JAK1: variants seen among roughly 807,000 people sequenced by gnomAD.
The protein encoded by JAK1 is tyrosine-protein kinase JAK1.
JAK1 carries 16 observed loss-of-function variants against 136.6 expected under a neutral mutation model. That is an observed-to-expected ratio of 0.12 (90% CI 0.08 to 0.18). JAK1 has a LOEUF of 0.18. Among genes scored for constraint, JAK1 ranks in the 10% least tolerant of loss-of-function variants. JAK1 has a pLI of 1.00. For missense variants in JAK1, 859 were observed against 1,450.1 expected, an observed-to-expected ratio of 0.59 and a Z score of 6.62; for synonymous variants, 492 against 519.5, an observed-to-expected ratio of 0.95 and a Z score of 0.72.
chr1:64,937,570 T>C (rs900368745), intron 1 of JAK1, among the ~76,000 whole-genome samples: 6 of 152,232 alleles, frequency 3.9e-5, no homozygotes, highest in Non-Finnish European at 7.3e-5. Context: ...TTACAACTTC[T>C]TGTCAATCTA....
intron 2 of JAK1, chr1:64,995,028 C>T (rs1010321084): frequency 1.3e-5 from 2 of 150,062 alleles, no homozygotes; most frequent in African/African-American, 2.5e-5. Flanking sequence ...ATATAAGCAA[C>T]CAAATTCTCC....
chr1:64,852,487 C>T (rs1195481138), intron 11 of JAK1, among the ~76,000 whole-genome samples: 1 of 152,190 alleles, frequency 6.6e-6, no homozygotes, highest in Non-Finnish European at 1.5e-5. Flanking sequence ...ACTCTGTTAC[C>T]TGGGGAAAAT....
At chr1:64,957,935 C>T (rs1374644236) in intron 1 of JAK1, among the ~76,000 whole-genome samples, 1 of 79,452 alleles carries the variant, frequency 1.3e-5, no homozygotes, top group Non-Finnish European at 2.6e-5. Context: ...AAGAGCGAGA[C>T]TCCGTCTCAA....
chr1:65,050,471 C>T (rs1042351628), intron 1 of JAK1, among the ~76,000 whole-genome samples: 4 of 152,170 alleles, frequency 2.6e-5, no homozygotes, highest in African/African-American at 9.7e-5. Context: ...GCATCTGACA[C>T]AGAAAGGACT....
rs536702677 is a variant in JAK1 at position 64,953,746 on chromosome 1, G to A, written c.-78+12587C>T. Among the ~76,000 whole-genome samples the A allele has an allele frequency of 2.0e-5, 3 of 152,222 alleles. No individual in the cohort carries two copies. The South Asian group carries it at 6.2e-4, about 32-fold the overall frequency. On this transcript the variant is annotated intron_variant, in intron 1 of 24. Coordinates refer to ENST00000342505, the MANE Select transcript of JAK1 (RefSeq NM_002227.4). The stretch of plus-strand genomic sequence containing the variant: ...ATCATCTCAGCTCACTGCAACCTCT[G>A]CCTCCCAGGTTCATGCAATTCTCCC...
chr1:64,838,816 A>ACC (rs1425485572), intron 20 of JAK1, among the ~76,000 whole-genome samples: 1 of 152,216 alleles, frequency 6.6e-6, no homozygotes. Context: ...GATAACAGTC[A>ACC]GAGTGCTCTG....
chr1:64,965,640 T>C lies in JAK1; in HGVS notation c.-78+693A>G, dbSNP rs145952512. On this transcript the variant is annotated intron_variant, in intron 1 of 24. Transcript: ENST00000342505. ...TTTCGGTTAATCAGTCCCTTTCCAGTGGGATTCGCAATTCCCCGGGTAGTT... is the reference window on the plus strand; with the variant it reads ...TTTCGGTTAATCAGTCCCTTTCCAGCGGGATTCGCAATTCCCCGGGTAGTT... Among the ~76,000 whole-genome samples, 153 of 152,224 alleles carry C rather than the reference T, an allele frequency of 1.0e-3. 1 individual carries two copies. The East Asian group carries it at 0.021, about 21-fold the overall frequency.
chr1:64,846,186 T>A (rs1202687153), intron 14 of JAK1, among the ~76,000 whole-genome samples: 3 of 151,998 alleles, frequency 2.0e-5, no homozygotes, highest in Non-Finnish European at 4.4e-5. Flanking sequence ...TCCATCTCAG[T>A]GTGCAGCAGC....
At chr1:65,056,263 G>A (rs1233111936) in intron 1 of JAK1, among the ~76,000 whole-genome samples, 2 of 152,194 alleles carry the variant, frequency 1.3e-5, no homozygotes, top group Admixed American at 1.3e-4. Context: ...GAGAAATTGT[G>A]GATCTATGAG....
At position 64,945,560 on chromosome 1, in the gene JAK1, A is replaced by G. The variant is rs1645969123; in HGVS notation, c.-78+20773T>C. ...AAAAAAGCAAAGGGTGGAATAGTATATAGTATATATTTACCTTATGTACAA... is the reference window on the plus strand; with the variant it reads ...AAAAAAGCAAAGGGTGGAATAGTATGTAGTATATATTTACCTTATGTACAA... On this transcript the variant is annotated intron_variant, in intron 1 of 24. Coordinates refer to ENST00000342505, the MANE Select transcript of JAK1 (RefSeq NM_002227.4). 2.0e-5 allele frequency among the ~76,000 whole-genome samples: 3 copies of G among 152,198 alleles called. No individual in the cohort carries two copies. In the South Asian group the frequency reaches 6.2e-4, roughly 32 times the overall value.
chr1:64,883,687 G>A (rs1279575646), intron 2 of JAK1, among the ~76,000 whole-genome samples: 1 of 151,906 alleles, frequency 6.6e-6, no homozygotes, highest in East Asian at 1.9e-4. Flanking sequence ...ACTAATTAAT[G>A]AATTGTAATT....
Position 64,836,039 on chromosome 1 carries a change from AG to A in JAK1, c.3258+58del. The A allele has an allele frequency of 3.4e-6, 3 of 873,954 alleles. No individual in the cohort carries two copies. In the Admixed American group the frequency reaches 6.1e-5, roughly 18 times the overall value. The allele number at this position is 873,954 out of a possible 1,614,324, so 54.1% of individuals were successfully genotyped here. A position where few individuals can be genotyped will look rare whatever the true frequency, so the allele number is the denominator to read the frequency against. On this transcript the variant is annotated intron_variant, in intron 23 of 24. Transcript: ENST00000342505. The stretch of plus-strand genomic sequence containing the variant: ...TTAAAAACAAAAGTTAACCAAGCAG[AG>A]GGATGGACACATTTTAAATGGGTAC...
intron 1 of JAK1, among the ~76,000 whole-genome samples, chr1:64,931,427 C>T (rs755364094): frequency 3.3e-5 from 5 of 151,954 alleles, no homozygotes; most frequent in African/African-American, 9.7e-5. Context: ...CTGTCCACGC[C>T]GGGTGTCACT....
intron 2 of JAK1, among the ~76,000 whole-genome samples, chr1:65,023,267 T>G (rs2100796924): frequency 6.6e-6 from 1 of 152,050 alleles, no homozygotes; most frequent in East Asian, 1.9e-4. Context: ...CATACTGGGC[T>G]AATTTTTATT....
At chr1:65,031,777 C>T (rs1279187326) in intron 2 of JAK1, among the ~76,000 whole-genome samples, 1 of 151,902 alleles carries the variant, frequency 6.6e-6, no homozygotes, top group East Asian at 1.9e-4. Context: ...AAATCATACA[C>T]ACATGCCAGA....
intron 2 of JAK1, among the ~76,000 whole-genome samples, chr1:65,028,821 C>G (rs1257197064): frequency 6.6e-6 from 1 of 152,076 alleles, no homozygotes; most frequent in Non-Finnish European, 1.5e-5. Flanking sequence ...GAGGGTGAGG[C>G]CCAAATAACA....
intron 2 of JAK1, among the ~76,000 whole-genome samples, chr1:65,006,582 A>G (rs988303238): frequency 6.6e-6 from 1 of 152,018 alleles, no homozygotes; most frequent in African/African-American, 2.4e-5. Context: ...GCCTCAAATA[A>G]TCCTCCTGTC....
chr1:64,848,265 C>T (rs1335282573), intron 12 of JAK1, among the ~76,000 whole-genome samples: 1 of 152,180 alleles, frequency 6.6e-6, no homozygotes, highest in East Asian at 1.9e-4. Flanking sequence ...CGGGGGGATG[C>T]GTAGAAACCC....
intron 2 of JAK1, chr1:64,989,332 T>G (rs1029259040): frequency 7.0e-6 from 1 of 142,984 alleles, no homozygotes; most frequent in Admixed American, 7.0e-5. Flanking sequence ...CTCAAATAAA[T>G]AAATAAATAA....
Sources: allele counts gnomAD v4.1 joint callset (sites outside exome capture counted in the v4.1 genomes callset), GRCh38; gene constraint gnomAD v4.1.1; transcripts MANE v1.5; gene names NCBI Gene and HGNC (gene_info 2026-07-23, HGNC 2026-07-21).